Variants in SFMBT2 observed in about 807,000 individuals in gnomAD.
The protein encoded by SFMBT2 is scm-like with four MBT domains protein 2.
A neutral mutation model predicts 110.1 loss-of-function variants in SFMBT2; 38 were observed. That is an observed-to-expected ratio of 0.35 (90% CI 0.27 to 0.45). SFMBT2 has a LOEUF of 0.45. SFMBT2 is among the 20% of genes least tolerant of loss of function. SFMBT2 has a pLI of 1.00. For synonymous variants in SFMBT2, 425 were observed against 425.4 expected (o/e 1.00, Z 0.01); for missense variants, 1,011 against 1,094.9 (o/e 0.92, Z 1.08).
At chr10:7,337,504 C>A (rs916560258) in intron 4 of SFMBT2, among the ~76,000 whole-genome samples, 29 of 152,228 alleles carry the variant, frequency 1.9e-4, no homozygotes, top group African/African-American at 6.3e-4. Flanking sequence ...ATCATGAGAT[C>A]TGGTTGTTTA....
At chr10:7,228,300 G>A in intron 9 of SFMBT2, 1 of 558,784 alleles carries the variant, frequency 1.8e-6, no homozygotes, top group Non-Finnish European at 2.3e-6. Context: ...TCCCTTCATA[G>A]GAAGCCTGAG....
intron 4 of SFMBT2, among the ~76,000 whole-genome samples, chr10:7,351,397 T>C (rs1037543161): frequency 2.0e-5 from 3 of 152,216 alleles, no homozygotes; most frequent in Non-Finnish European, 4.4e-5. Flanking sequence ...TTCTTAGCAC[T>C]GCTCTAAGGA....
At chr10:7,237,864 C>G (rs1463019711) in intron 9 of SFMBT2, among the ~76,000 whole-genome samples, 2 of 152,086 alleles carry the variant, frequency 1.3e-5, no homozygotes, top group Non-Finnish European at 2.9e-5. Context: ...TGAGATTGAA[C>G]AGGGAAGCCC....
intron 9 of SFMBT2, among the ~76,000 whole-genome samples, chr10:7,243,346 T>C (rs79197113): frequency 2.7e-3 from 416 of 152,312 alleles, no homozygotes; most frequent in African/African-American, 9.1e-3. Flanking sequence ...GAAACTCCTG[T>C]GGACAGAAGT....
At chr10:7,215,557 C>G (rs1433406968) in intron 11 of SFMBT2, 11 of 985,350 alleles carry the variant, frequency 1.1e-5, no homozygotes, top group Non-Finnish European at 1.3e-5. Flanking sequence ...GGGCACTGCT[C>G]TGCTCAACCA....
intron 12 of SFMBT2, chr10:7,203,329 C>A (rs887163713): frequency 1.8e-5 from 3 of 163,186 alleles, no homozygotes; most frequent in African/African-American, 7.2e-5. Context: ...ATATTCAATT[C>A]CAGTTACTAC....
At chr10:7,401,023 C>T (rs1846067640) in intron 1 of SFMBT2, among the ~76,000 whole-genome samples, 1 of 152,124 alleles carries the variant, frequency 6.6e-6, no homozygotes, top group East Asian at 1.9e-4. Flanking sequence ...ATCCCAGCTA[C>T]TTGGGAGGCT....
chr10:7,268,316 T>C lies in SFMBT2; in HGVS notation c.870+8576A>G, dbSNP rs555278163. ...GACTGAGTCTGTCCTGTAATAAACT[T>C]CATTGTTTGATGACAGAAACAAACT... On this transcript the variant is annotated intron_variant, in intron 7 of 20. Transcript: ENST00000397167. 5.9e-5 allele frequency among the ~76,000 whole-genome samples: 9 copies of C among 152,196 alleles called. 1 individual carries two copies. The highest frequency in any genetic ancestry group is 1.3e-4 in the Non-Finnish European group (9 of 68,040).
intron 1 of SFMBT2, among the ~76,000 whole-genome samples, chr10:7,383,755 C>T (rs1845496592): frequency 6.6e-6 from 1 of 152,140 alleles, no homozygotes; most frequent in Non-Finnish European, 1.5e-5. Flanking sequence ...AGCACAGGGC[C>T]TTATGTTTTC....
At chr10:7,270,628 G>T (rs1841550763) in intron 7 of SFMBT2, among the ~76,000 whole-genome samples, 1 of 152,172 alleles carries the variant, frequency 6.6e-6, no homozygotes, top group Admixed American at 6.5e-5. Context: ...CCTCATGAGA[G>T]GCCCAAAAGT....
At chr10:7,210,707 A>C (rs1302365331) in intron 11 of SFMBT2, among the ~76,000 whole-genome samples, 1 of 152,236 alleles carries the variant, frequency 6.6e-6, no homozygotes, top group Non-Finnish European at 1.5e-5. Context: ...GGACGCTGGA[A>C]GCCCCACCTG....
At chr10:7,382,187 A>C (rs987381212) in intron 1 of SFMBT2, among the ~76,000 whole-genome samples, 3 of 152,138 alleles carry the variant, frequency 2.0e-5, no homozygotes, top group Non-Finnish European at 4.4e-5. Context: ...AGGTGGGTGG[A>C]TCACTTGAGG....
intron 9 of SFMBT2, among the ~76,000 whole-genome samples, chr10:7,231,037 T>C (rs776020538): frequency 1.3e-5 from 2 of 152,154 alleles, no homozygotes; most frequent in African/African-American, 2.4e-5. Context: ...CACTAATTAT[T>C]TTACTGTTGC....
intron 20 of SFMBT2, among the ~76,000 whole-genome samples, chr10:7,164,908 CAATGA>C (rs1161617886): frequency 6.6e-6 from 1 of 152,102 alleles, no homozygotes; most frequent in Non-Finnish European, 1.5e-5. Flanking sequence ...GACATTCATT[CAATGA>C]ATGTTCAGTT....
Position 7,200,483 on chromosome 10 carries a change from A to C in SFMBT2, c.1489T>G (p.Leu497Val). ...KIAVVQPEKQ[L>V]PPTVPVKKIP... ...TTCTTAACAGGCACTGTGGGCGGCA[A>C]TCTGTCAACAGAGAAAATAAAACTA... The change falls in exon 14 of 21, where the codon TTG (leucine) becomes GTG (valine). Residue 497 changes from leucine to valine, a missense_variant and splice_region_variant. Transcript: ENST00000397167. 2 of 1,599,494 alleles carry C rather than the reference A, an allele frequency of 1.3e-6. No individual in the cohort carries two copies. Among genetic ancestry groups the C allele is most frequent in the African/African-American group, 2.7e-5 (2 of 74,464 alleles).
intron 16 of SFMBT2, among the ~76,000 whole-genome samples, chr10:7,181,238 CAAA>C (rs59457180): frequency 5.5e-5 from 4 of 72,184 alleles, no homozygotes; most frequent in Non-Finnish European, 6.2e-5. Flanking sequence ...GACTCCATTT[CAAA>C]AAAAAAAAAA....
intron 16 of SFMBT2, among the ~76,000 whole-genome samples, chr10:7,185,827 C>CTT (rs60436076): frequency 6.0e-5 from 9 of 151,012 alleles, no homozygotes; most frequent in Non-Finnish European, 8.9e-5. Context: ...AGGTGGAGGG[C>CTT]TTTTTTTTTC....
chr10:7,169,549 A>T (rs947831960), intron 20 of SFMBT2, among the ~76,000 whole-genome samples: 12 of 152,210 alleles, frequency 7.9e-5, no homozygotes, highest in African/African-American at 2.7e-4. Flanking sequence ...GATTTATATG[A>T]TCTAAAAAGA....
At chr10:7,225,063 A>G (rs1839857889) in intron 10 of SFMBT2, among the ~76,000 whole-genome samples, 2 of 152,218 alleles carry the variant, frequency 1.3e-5, no homozygotes, top group Admixed American at 6.5e-5. Flanking sequence ...TGTTTCTGCA[A>G]GTTACCCAGC....
Sources: gnomAD v4.1 joint callset for allele counts (sites outside exome capture counted in the v4.1 genomes callset) on GRCh38, gnomAD v4.1.1 for gene constraint, MANE v1.5 for transcripts, NCBI Gene and HGNC (gene_info 2026-07-23, HGNC 2026-07-21) for gene names.